Variants in ACCSL observed in about 807,000 individuals in gnomAD.
ACCSL encodes probable inactive 1-aminocyclopropane-1-carboxylate synthase-like protein 2.
ACCSL carries 55 observed loss-of-function variants against 61.7 expected under a neutral mutation model. The observed-to-expected ratio is 0.89, with a 90% CI of 0.72 to 1.12. The LOEUF is 1.12. Among genes scored for constraint, ACCSL ranks in the 50% most tolerant of loss-of-function variants. The probability of loss-of-function intolerance (pLI) is 0.00; values close to 1 mark genes in which losing one functional copy is unlikely to be tolerated. For missense variants in ACCSL, 632 were observed against 698.0 expected (o/e 0.91, Z 1.07); for synonymous variants, 258 against 264.3 (o/e 0.98, Z 0.23).
chr11:43,976,764 C>T, the ACCSL span, among the ~76,000 whole-genome samples: 6 of 152,270 alleles, frequency 3.9e-5, no homozygotes, highest in Middle Eastern at 3.4e-3. Context: ...TTGGCCAGAA[C>T]GTGTCACATG....
At chr11:43,963,982 T>G in the ACCSL span, among the ~76,000 whole-genome samples, 1 of 152,222 alleles carries the variant, frequency 6.6e-6, no homozygotes, top group Admixed American at 6.5e-5. Flanking sequence ...GCTCATCTTT[T>G]ACTTTCCAAC....
chr11:43,978,720 T>A, the ACCSL span, among the ~76,000 whole-genome samples: 1 of 149,958 alleles, frequency 6.7e-6, no homozygotes, highest in African/African-American at 2.4e-5. Flanking sequence ...ATGGAACATC[T>A]CATCTGCTTA....
At chr11:43,986,493 G>C in the ACCSL span, among the ~76,000 whole-genome samples, 1 of 152,126 alleles carries the variant, frequency 6.6e-6, no homozygotes, top group African/African-American at 2.4e-5. Context: ...CTCTCCCGGG[G>C]CCTCCCTCTG....
intron 1 of ACCSL, 50 bp from the exon 2 acceptor site, chr11:44,050,012 T>G (rs1280130743): frequency 6.2e-7 from 1 of 1,612,604 alleles, no homozygotes; most frequent in Non-Finnish European, 8.5e-7. Context: ...GGGATCTATG[T>G]AGGGTGGAGC....
At chr11:44,006,271 A>G in the ACCSL span, among the ~76,000 whole-genome samples, 20 of 151,844 alleles carry the variant, frequency 1.3e-4, no homozygotes, top group Admixed American at 1.1e-3. Flanking sequence ...CCTGCCACCA[A>G]AGTGGGACCC....
the ACCSL span, among the ~76,000 whole-genome samples, chr11:43,959,963 C>T: frequency 6.6e-6 from 1 of 152,174 alleles, no homozygotes. Flanking sequence ...TTGGGACCCC[C>T]TTCAATGTGC....
At chr11:44,053,173 CTT>C in intron 7 of ACCSL, 105 bp downstream of exon 7, 1 of 1,084,638 alleles carries the variant, frequency 9.2e-7, no homozygotes, top group Admixed American at 2.0e-5. Context: ...GTGGGCTGTC[CTT>C]AGTTGGAAGA....
the ACCSL span, among the ~76,000 whole-genome samples, chr11:43,962,492 C>A: frequency 6.6e-6 from 1 of 152,222 alleles, no homozygotes; most frequent in Non-Finnish European, 1.5e-5. Context: ...GCAGCAGGGG[C>A]TTCTGTAACC....
chr11:43,935,893 C>T, the ACCSL span, among the ~76,000 whole-genome samples: 75 of 152,232 alleles, frequency 4.9e-4, no homozygotes, highest in African/African-American at 1.8e-3. Context: ...ACCCCTGTCC[C>T]GGGGTGGCTG....
chr11:43,951,352 A>T, the ACCSL span, among the ~76,000 whole-genome samples: 3 of 152,204 alleles, frequency 2.0e-5, no homozygotes, highest in Non-Finnish European at 4.4e-5. Flanking sequence ...GCCAGGCTAG[A>T]TGAATGGTGT....
In ACCSL at chr11:44,048,127, G is replaced by A; in HGVS notation, c.91G>A (p.Glu31Lys). 6.2e-7 allele frequency: 1 copy of A among 1,614,204 alleles called. No homozygotes were observed. Among genetic ancestry groups the A allele is most frequent in the Non-Finnish European group, 8.5e-7 (1 of 1,180,038 alleles). ...CCACAGCATCTATACCCAGCTGTTGGAGATAACGCTGCACTTGCAGCAGGC... is the reference window on the plus strand; with the variant it reads ...CCACAGCATCTATACCCAGCTGTTGAAGATAACGCTGCACTTGCAGCAGGC... ...RDHSIYTQLL[E>K]ITLHLQQAMT... Residue 31 changes from glutamate (E) to lysine (K), a missense_variant, in exon 1 of 14, where the codon GAG (glutamate) becomes AAG (lysine). Physicochemically the swap from Glu to Lys is moderately conservative, Grantham distance 56 (BLOSUM62 1). Coordinates refer to ENST00000378832, the MANE Select transcript of ACCSL (RefSeq NM_001031854.2).
intron 8 of ACCSL, among the ~76,000 whole-genome samples, chr11:44,054,280 A>G (rs558605676): frequency 1.6e-4 from 24 of 152,280 alleles, no homozygotes; most frequent in Non-Finnish European, 2.6e-4. Context: ...GTCAAACTTC[A>G]TGACTAACAC....
the ACCSL span, among the ~76,000 whole-genome samples, chr11:44,031,878 T>C: frequency 6.6e-6 from 1 of 152,128 alleles, no homozygotes; most frequent in African/African-American, 2.4e-5. Flanking sequence ...GTCAGTCAAT[T>C]AAACTCCCTC....
chr11:43,927,616 AT>A, the ACCSL span, among the ~76,000 whole-genome samples: 1 of 152,136 alleles, frequency 6.6e-6, no homozygotes, highest in South Asian at 2.1e-4. Flanking sequence ...TACATCTCTG[AT>A]TGTTTCTTAG....
At chr11:43,924,532 C>T in the ACCSL span, among the ~76,000 whole-genome samples, 1 of 152,082 alleles carries the variant, frequency 6.6e-6, no homozygotes, top group African/African-American at 2.4e-5. Context: ...GGGACAGGGA[C>T]CTGGAGGCCG....
chr11:43,937,548 A>G, the ACCSL span, among the ~76,000 whole-genome samples: 50 of 152,198 alleles, frequency 3.3e-4, no homozygotes, highest in African/African-American at 1.2e-3. Flanking sequence ...GGATTCTGAC[A>G]TGTCTTCCTG....
the ACCSL span, among the ~76,000 whole-genome samples, chr11:43,981,499 A>G: frequency 6.6e-6 from 1 of 152,192 alleles, no homozygotes; most frequent in South Asian, 2.1e-4. Flanking sequence ...AGGGTGGGGG[A>G]TATTTTTGAT....
At position 44,058,659 on chromosome 11, in the gene ACCSL, C is replaced by T. The variant is rs1302081283; in HGVS notation, c.1584C>T (p.Phe528=). The T allele has an allele frequency of 1.2e-6, 2 of 1,613,976 alleles. No individual in the cohort carries two copies. Among genetic ancestry groups the T allele is most frequent in the Non-Finnish European group, 1.7e-6 (2 of 1,179,892 alleles). ...KTYMCKEPGW[F]CLIFADELPR... The stretch of plus-strand genomic sequence containing the variant: ...ACATGTGTAAGGAGCCAGGCTGGTT[C>T]TGCCTCATCTTTGCAGATGAGCTCC... The change falls in exon 13 of 14, where the codon TTC becomes TTT. Residue 528 remains phenylalanine (F), a synonymous_variant. Transcript: ENST00000378832.
chr11:43,973,999 TAGAC>T, the ACCSL span: 1 of 152,226 alleles, frequency 6.6e-6, no homozygotes, highest in Non-Finnish European at 1.5e-5. Flanking sequence ...TAGCCTGTGA[TAGAC>T]AGAGAGCAAA....
Sources: gnomAD v4.1 joint callset for allele counts (sites outside exome capture counted in the v4.1 genomes callset) on GRCh38, gnomAD v4.1.1 for gene constraint, MANE v1.5 for transcripts, NCBI Gene and HGNC (gene_info 2026-07-23, HGNC 2026-07-21) for gene names.